DICER1: variants seen among roughly 807,000 people sequenced by gnomAD.
DICER1 encodes endoribonuclease Dicer.
Under a neutral mutation model 194.1 loss-of-function variants are expected in DICER1, and 43 were observed. That is an observed-to-expected ratio of 0.22 (90% confidence interval 0.17 to 0.29). The LOEUF (loss-of-function observed/expected upper bound fraction) is 0.29. Ranked by LOEUF, DICER1 falls within the 10% of genes least tolerant of loss-of-function variation. The pLI, the probability that DICER1 is intolerant of heterozygous loss-of-function variation, is 1.00. For missense variants in DICER1, 1,608 were observed against 2,317.0 expected (o/e 0.69, Z 6.28); for synonymous variants, 832 against 820.5 (o/e 1.01, Z -0.24).
At chr14:95,143,218 A>G (rs1894926783) in intron 1 of DICER1, among the ~76,000 whole-genome samples, 1 of 152,226 alleles carries the variant, frequency 6.6e-6, no homozygotes, top group African/African-American at 2.4e-5. Context: ...TATGTGAGAT[A>G]CAAGGCATTA....
At position 95,094,146 on chromosome 14, in the gene DICER1, C is replaced by T. The variant is rs775519516; in HGVS notation, c.5106G>A (p.Gln1702=). 1.2e-6 allele frequency: 2 copies of T among 1,614,120 alleles called. No individual in the cohort carries two copies. The highest frequency in any genetic ancestry group is 1.7e-6 in the Non-Finnish European group (2 of 1,180,022). The change falls in exon 24 of 27, where the codon CAG becomes CAA. Residue 1702 remains glutamine, a synonymous_variant. Transcript: ENST00000343455. ...TCGCATCTCCCAGGAATTCTAAGCG[C>T]TGGTAACAATCTGAGGGGATCCGAA... ...YHYNTITDCY[Q]RLEFLGDAIL...
chr14:95,131,362 A>T, intron 4 of DICER1, 147 bp downstream of exon 4: 1 of 740,780 alleles, frequency 1.3e-6, no homozygotes, highest in Non-Finnish European at 2.3e-6. Flanking sequence ...AGTAAGATAT[A>T]GTACATCAGG....
At chr14:95,142,218 A>C (rs1894868121) in intron 1 of DICER1, among the ~76,000 whole-genome samples, 1 of 151,774 alleles carries the variant, frequency 6.6e-6, no homozygotes, top group African/African-American at 2.4e-5. Flanking sequence ...GTGGCCTCCC[A>C]AAGTGCTGTA....
chr14:95,117,795 A>C (rs1454730828), intron 8 of DICER1, 41 bp from the exon 9 acceptor site: 2 of 1,603,148 alleles, frequency 1.2e-6, no homozygotes, highest in Non-Finnish European at 1.7e-6. Context: ...ACGTTGCTGA[A>C]AGAAAATAAA....
At chr14:95,099,408 T>C (rs1232607689) in intron 22 of DICER1, among the ~76,000 whole-genome samples, 2 of 152,062 alleles carry the variant, frequency 1.3e-5, no homozygotes, top group East Asian at 1.9e-4. Context: ...AGATCACAGG[T>C]CACTGAAAAG....
Position 95,105,840 on chromosome 14 carries a change from G to A in DICER1, c.2988-57C>T. 1 of 1,522,998 alleles carries A rather than the reference G, an allele frequency of 6.6e-7. No homozygotes were observed. Among genetic ancestry groups the A allele is most frequent in the Admixed American group, 1.7e-5 (1 of 59,564 alleles). 94.3% of individuals were successfully genotyped at this position (1,522,998 alleles called of 1,614,324 possible). On this transcript the variant is annotated intron_variant, in intron 18 of 26. Transcript: ENST00000343455. This position sits in a 1 kb window ranked among gnomAD's most constrained non-coding sequence, Gnocchi z 4.9. ...ACACAAAAATGAGTACATATTCACA[G>A]TGGTTCTCCAAAAACCACCTGAAGA...
intron 1 of DICER1, among the ~76,000 whole-genome samples, chr14:95,138,994 T>TAAAAAAAAAAAAAAAAAA (rs67050539): frequency 4.4e-5 from 6 of 135,968 alleles, no homozygotes; most frequent in Non-Finnish European, 6.4e-5. Flanking sequence ...AATAAAAAAA[T>TAAAAAAAAAAAAAAAAAA]AAAAAAAAAA....
At chr14:95,109,823 G>A (rs1891792581) in intron 14 of DICER1, among the ~76,000 whole-genome samples, 1 of 152,156 alleles carries the variant, frequency 6.6e-6, no homozygotes, top group Non-Finnish European at 1.5e-5. Flanking sequence ...GTAACCTGAG[G>A]TCAGTCACGG....
chr14:95,117,478 C>A, intron 9 of DICER1, 144 bp downstream of exon 9: 1 of 863,960 alleles, frequency 1.2e-6, no homozygotes, highest in South Asian at 1.6e-5. Flanking sequence ...ATGGGGACAG[C>A]TGGTCTAATA....
chr14:95,112,975 C>CCT, intron 12 of DICER1, 117 bp downstream of exon 12: 1 of 1,119,066 alleles, frequency 8.9e-7, no homozygotes, highest in Non-Finnish European at 1.3e-6. Flanking sequence ...GGCTCCTGCT[C>CCT]ATGAAAGTAG....
At chr14:95,133,238 T>G in intron 2 of DICER1, 77 bp downstream of exon 2, 1 of 1,510,066 alleles carries the variant, frequency 6.6e-7, no homozygotes, top group East Asian at 2.3e-5. Flanking sequence ...ATGAGTTTTA[T>G]ATAAGTTGTG....
At chr14:95,134,631 T>C (rs1250222650) in intron 1 of DICER1, 3 of 152,198 alleles carry the variant, frequency 2.0e-5, no homozygotes, top group Admixed American at 1.3e-4. Context: ...TAGGGTCTCT[T>C]ATACAACACA....
At chr14:95,117,319 C>T (rs1453066835) in intron 9 of DICER1, among the ~76,000 whole-genome samples, 1 of 151,960 alleles carries the variant, frequency 6.6e-6, no homozygotes, top group Non-Finnish European at 1.5e-5. Context: ...GAGTTAAGGT[C>T]ATACATGCTT....
At chr14:95,091,587 C>T (rs1481061071) in intron 24 of DICER1, among the ~76,000 whole-genome samples, 1 of 152,068 alleles carries the variant, frequency 6.6e-6, no homozygotes, top group Non-Finnish European at 1.5e-5. Context: ...TATCCCCACC[C>T]CATTTATTAT....
chr14:95,117,792 T>A (rs368456892), intron 8 of DICER1, 38 bp from the exon 9 acceptor site: 1 of 1,604,576 alleles, frequency 6.2e-7, no homozygotes, highest in Non-Finnish European at 8.5e-7. Flanking sequence ...TAAACGTTGC[T>A]GAAAGAAAAT....
chr14:95,140,477 C>T (rs532066396), intron 1 of DICER1, among the ~76,000 whole-genome samples: 2 of 152,200 alleles, frequency 1.3e-5, no homozygotes, highest in Middle Eastern at 3.4e-3. Context: ...ATAGGCTATA[C>T]CATGTAGGTT....
At chr14:95,110,126 C>T (rs2140053140) in intron 14 of DICER1, among the ~76,000 whole-genome samples, 1 of 152,250 alleles carries the variant, frequency 6.6e-6, no homozygotes, top group African/African-American at 2.4e-5. Flanking sequence ...TCCTCCAGCA[C>T]ATTTCTGATC....
intron 22 of DICER1, among the ~76,000 whole-genome samples, chr14:95,096,965 TTTAA>T: frequency 6.6e-6 from 1 of 152,214 alleles, no homozygotes; most frequent in South Asian, 2.1e-4. Flanking sequence ...AGTATGAAGC[TTTAA>T]GTTAAGGACT....
In DICER1 at chr14:95,095,842, T is replaced by C. The variant is rs1359055040; in HGVS notation, c.5078A>G (p.His1693Arg). 6.2e-7 allele frequency: 1 copy of C among 1,614,108 alleles called. No individual in the cohort carries two copies. The highest frequency in any genetic ancestry group is 1.3e-5 in the African/African-American group (1 of 75,028). Residue 1693 changes from histidine (H) to arginine (R), a missense_variant, in exon 23 of 27, where the codon CAC (histidine) becomes CGC (arginine). By Grantham distance (29) the His-to-Arg change is conservative. Around this residue, in one of 10 missense-constraint regions of DICER1, gnomAD observed 138 missense variants for 298.3 expected, o/e 0.46. Transcript: ENST00000343455. ...LLQAFTHASY[H>R]YNTITDCYQR... ...CTCCTTACCAGTGATAGTATTGTAG[T>C]GGTAGGAGGCATGTGTAAAAGCCTG... is the stretch of plus-strand genomic sequence containing the variant.
Sources: allele counts gnomAD v4.1 joint callset (sites outside exome capture counted in the v4.1 genomes callset), GRCh38; gene constraint gnomAD v4.1.1; regional missense constraint gnomAD v4.1.1; non-coding constraint Gnocchi (gnomAD v3.1); transcripts MANE v1.5; gene names NCBI Gene and HGNC (gene_info 2026-07-23, HGNC 2026-07-21).